PHC3: variants seen among roughly 807,000 people sequenced by gnomAD.
PHC3 encodes the protein polyhomeotic homolog 3.
PHC3 carries 13 observed loss-of-function variants against 107.4 expected under a neutral mutation model. That is an observed-to-expected ratio of 0.12 (90% CI 0.08 to 0.19). The LOEUF is 0.19. Among genes scored for constraint, PHC3 ranks in the 10% least tolerant of loss-of-function variants. The pLI is 1.00. For synonymous variants in PHC3, 456 were observed against 427.4 expected (o/e 1.07, Z -0.83); for missense variants, 992 against 1,210.9 (o/e 0.82, Z 2.68).
Position 170,097,225 on chromosome 3 carries a change from T to G in PHC3, c.*5A>C. ...CTGCTGTTTTATCAAGGCTTCATGT[T>G]CCTGTTAAGATTCCTTCAGAGAGTT... On this transcript the variant is annotated 3_prime_UTR_variant, in exon 15 of 15. Transcript: ENST00000495893. The surrounding 1 kb of genome is among the most constrained non-coding windows in gnomAD (Gnocchi z 4.1). The G allele has an allele frequency of 6.3e-7, 1 of 1,595,078 alleles. No homozygotes were observed. Among genetic ancestry groups the G allele is most frequent in the South Asian group, 1.1e-5 (1 of 89,374 alleles).
At chr3:170,128,173 A>G (rs879114017) in intron 8 of PHC3, among the ~76,000 whole-genome samples, 3 of 152,220 alleles carry the variant, frequency 2.0e-5, no homozygotes, top group South Asian at 4.1e-4. Flanking sequence ...ACTACAAAGT[A>G]TAATTTTACC....
chr3:170,152,316 G>A (rs990690313), intron 4 of PHC3, among the ~76,000 whole-genome samples: 5 of 146,522 alleles, frequency 3.4e-5, no homozygotes, highest in Admixed American at 6.8e-5. Flanking sequence ...GACTACAGGC[G>A]CCCACCACCA....
chr3:170,166,826 G>A (rs143440632), intron 4 of PHC3, among the ~76,000 whole-genome samples: 1,716 of 151,798 alleles, frequency 0.011, 29 homozygotes, highest in African/African-American at 0.039. Context: ...CACCACACCT[G>A]GCTAATTTCT....
At chr3:170,102,405 G>A in intron 14 of PHC3, 74 bp downstream of exon 14, 1 of 1,547,320 alleles carries the variant, frequency 6.5e-7, no homozygotes, top group Non-Finnish European at 8.7e-7. Flanking sequence ...TGTGCAAAAG[G>A]TGTGGATGTA....
intron 4 of PHC3, among the ~76,000 whole-genome samples, chr3:170,166,466 C>T (rs1013459772): frequency 6.6e-6 from 1 of 152,214 alleles, no homozygotes; most frequent in East Asian, 1.9e-4. Flanking sequence ...TCTGTAGACA[C>T]ATATACAGCA....
At chr3:170,100,312 A>C (rs1036547528) in intron 14 of PHC3, among the ~76,000 whole-genome samples, 2 of 152,178 alleles carry the variant, frequency 1.3e-5, no homozygotes, top group Admixed American at 6.5e-5. Context: ...GAGCTAAAAG[A>C]AGCTCAAAAC....
chr3:170,166,554 T>C (rs914779205), intron 4 of PHC3, among the ~76,000 whole-genome samples: 4 of 152,202 alleles, frequency 2.6e-5, no homozygotes, highest in Non-Finnish European at 5.9e-5. Flanking sequence ...TGGGCATTTA[T>C]ATTATTTATA....
chr3:170,145,576 C>T (rs1724804547), intron 5 of PHC3, 55 bp from the exon 6 acceptor site: 8 of 1,294,462 alleles, frequency 6.2e-6, no homozygotes, highest in Non-Finnish European at 8.8e-6. Context: ...ATGTCCCACA[C>T]ACAATGTGTA....
chr3:170,111,324 ACG>A, intron 11 of PHC3, among the ~76,000 whole-genome samples: 1 of 146,812 alleles, frequency 6.8e-6, no homozygotes, highest in African/African-American at 2.7e-5. Flanking sequence ...GAAGGAACGA[ACG>A]AACGAAAGAA....
intron 6 of PHC3, among the ~76,000 whole-genome samples, chr3:170,137,394 T>C (rs1723274906): frequency 6.6e-6 from 1 of 152,034 alleles, no homozygotes; most frequent in South Asian, 2.1e-4. Flanking sequence ...TCAGCTGAGA[T>C]TTATAACCTT....
intron 11 of PHC3, 29 bp from the exon 12 acceptor site, chr3:170,106,975 AG>A: frequency 6.5e-7 from 1 of 1,535,926 alleles, no homozygotes; most frequent in Non-Finnish European, 8.8e-7. Flanking sequence ...AAGGAAAAAA[AG>A]GTTCCAAAAA....
intron 11 of PHC3, among the ~76,000 whole-genome samples, chr3:170,111,608 T>C (rs1463469481): frequency 6.6e-6 from 1 of 152,208 alleles, no homozygotes; most frequent in African/African-American, 2.4e-5. Flanking sequence ...TAATGAATGT[T>C]TGAAATTTTT....
chr3:170,151,935 T>A (rs1479352465), intron 4 of PHC3, among the ~76,000 whole-genome samples: 2 of 152,130 alleles, frequency 1.3e-5, no homozygotes, highest in Non-Finnish European at 1.5e-5. Flanking sequence ...TAGGAGGACC[T>A]CTCTGTACTA....
At chr3:170,108,494 G>A (rs531923852) in intron 11 of PHC3, among the ~76,000 whole-genome samples, 1 of 152,262 alleles carries the variant, frequency 6.6e-6, no homozygotes, top group South Asian at 2.1e-4. Flanking sequence ...CCAGTTTAAG[G>A]AAATTCTCAG....
intron 1 of PHC3, 129 bp from the exon 2 acceptor site, chr3:170,179,067 C>T: frequency 1.2e-6 from 1 of 832,558 alleles, no homozygotes; most frequent in Non-Finnish European, 1.9e-6. Flanking sequence ...AGACAGCCAA[C>T]ACACAGTCAC....
At chr3:170,143,725 C>T (rs1724485041) in intron 6 of PHC3, among the ~76,000 whole-genome samples, 1 of 152,108 alleles carries the variant, frequency 6.6e-6, no homozygotes, top group South Asian at 2.1e-4. Flanking sequence ...AACTTACATA[C>T]AATAAAACAA....
At chr3:170,174,472 G>C (rs187984153) in intron 2 of PHC3, among the ~76,000 whole-genome samples, 1 of 152,098 alleles carries the variant, frequency 6.6e-6, no homozygotes, top group African/African-American at 2.4e-5. Flanking sequence ...TCTCCAAAAG[G>C]TTAAGTCAGA....
chr3:170,128,203 G>T, intron 8 of PHC3: 1 of 245,328 alleles, frequency 4.1e-6, no homozygotes, highest in Non-Finnish European at 7.1e-6. Context: ...CATCATATAA[G>T]CATATCTCCA....
At chr3:170,126,528 A>ATATTTTTTT (rs370421296) in intron 8 of PHC3, among the ~76,000 whole-genome samples, 6 of 90,620 alleles carry the variant, frequency 6.6e-5, no homozygotes, top group African/African-American at 2.7e-4. Flanking sequence ...ATATATATAT[A>ATATTTTTTT]TTTTTTTTTT....
Sources: allele counts gnomAD v4.1 joint callset (sites outside exome capture counted in the v4.1 genomes callset), GRCh38; gene constraint gnomAD v4.1.1; non-coding constraint Gnocchi (gnomAD v3.1); transcripts MANE v1.5; gene names NCBI Gene and HGNC (gene_info 2026-07-23, HGNC 2026-07-21).